Variants in PLAC8L1 observed in about 807,000 individuals in gnomAD.
The protein encoded by PLAC8L1 is PLAC8 like 1.
A neutral mutation model predicts 16.3 loss-of-function variants in PLAC8L1; 13 were observed. That is an observed-to-expected ratio of 0.80 (90% CI 0.52 to 1.27). The LOEUF (loss-of-function observed/expected upper bound fraction) is 1.27. Ranked by LOEUF, PLAC8L1 falls within the 50% of genes most tolerant of loss-of-function variation. The probability of loss-of-function intolerance (pLI) is 0.00; values close to 1 mark genes in which losing one functional copy is unlikely to be tolerated. For synonymous variants in PLAC8L1, 78 were observed against 79.3 expected (o/e 0.98, Z 0.09); for missense variants, 184 against 220.2 (o/e 0.84, Z 1.04).
At chr5:146,099,339 A>C (rs909419445) in intron 1 of PLAC8L1, 1 of 152,190 alleles carries the variant, frequency 6.6e-6, no homozygotes, top group Non-Finnish European at 1.5e-5. Context: ...AGTTGAGACA[A>C]AATAAGAGAC....
At position 146,092,700 on chromosome 5, in the gene PLAC8L1, C is replaced by T. The variant is rs182508876; in HGVS notation, c.256+5456G>A. ...GGGATTGCAGGAGCCCGCCACCACG[C>T]CTAATTTTTGTATTTTTAGTAGAGA... On this transcript the variant is annotated intron_variant, in intron 2 of 3. Transcript: ENST00000311450. Among the ~76,000 whole-genome samples the T allele has an allele frequency of 2.5e-3, 375 of 151,962 alleles. 3 individuals are homozygous for T. Among genetic ancestry groups the T allele is most frequent in the African/African-American group, 8.4e-3 (348 of 41,460 alleles).
intron 2 of PLAC8L1, among the ~76,000 whole-genome samples, chr5:146,092,135 G>A (rs1227302907): frequency 2.0e-5 from 3 of 152,138 alleles, no homozygotes; most frequent in East Asian, 3.8e-4. Context: ...GTGGAGCCCC[G>A]AGATTAGAAG....
At chr5:146,101,679 T>C (rs1435247516) in intron 1 of PLAC8L1, among the ~76,000 whole-genome samples, 3 of 152,234 alleles carry the variant, frequency 2.0e-5, no homozygotes, top group African/African-American at 7.2e-5. Context: ...TACAAATTTA[T>C]GTGAACTTTA....
At chr5:146,103,795 C>T (rs940198746) in intron 1 of PLAC8L1, 144 of 985,270 alleles carry the variant, frequency 1.5e-4, no homozygotes, top group Non-Finnish European at 1.6e-4. Context: ...GTCACTCTTC[C>T]GTAATCACAC....
At chr5:146,099,136 A>G (rs1763765570) in intron 1 of PLAC8L1, among the ~76,000 whole-genome samples, 1 of 152,116 alleles carries the variant, frequency 6.6e-6, no homozygotes, top group Non-Finnish European at 1.5e-5. Flanking sequence ...TGATTTCCAT[A>G]GTGAAGGGTA....
At chr5:146,101,067 C>T (rs944887063) in intron 1 of PLAC8L1, among the ~76,000 whole-genome samples, 3 of 151,882 alleles carry the variant, frequency 2.0e-5, no homozygotes, top group African/African-American at 7.3e-5. Flanking sequence ...CATGGTGGCA[C>T]GCACCTGTGG....
intron 1 of PLAC8L1, among the ~76,000 whole-genome samples, chr5:146,098,638 A>G (rs1763757902): frequency 6.6e-6 from 1 of 152,204 alleles, no homozygotes; most frequent in South Asian, 2.1e-4. Context: ...ACCTTGGTTA[A>G]ATGACTTTAC....
Position 146,105,116 on chromosome 5 carries a change from A to C in PLAC8L1, c.-805T>G, listed in dbSNP as rs915024266. ...CCCTAGAAATATTAGGAAATATCCT[A>C]AGACAAAAAATTAGGCAAAATTTCA... On this transcript the variant is annotated 5_prime_UTR_variant, in exon 1 of 4. The change abolishes the stop of an existing upstream ORF in the 5' untranslated region. Coordinates refer to ENST00000311450, the MANE Select transcript of PLAC8L1 (RefSeq NM_001029869.3). Among the ~76,000 whole-genome samples the C allele has an allele frequency of 5.9e-5, 9 of 152,198 alleles. No homozygotes were observed. Among genetic ancestry groups the C allele is most frequent in the Non-Finnish European group, 1.3e-4 (9 of 68,030 alleles).
chr5:146,096,229 C>T (rs889799626), intron 2 of PLAC8L1, among the ~76,000 whole-genome samples: 1 of 152,118 alleles, frequency 6.6e-6, no homozygotes, highest in Non-Finnish European at 1.5e-5. Context: ...CTTCACATGG[C>T]CTTCTCCTTT....
At position 146,100,321 on chromosome 5, in the gene PLAC8L1, C is replaced by G. The variant is rs111306041; in HGVS notation, c.120-2029G>C. Among the ~76,000 whole-genome samples, 24 of 152,198 alleles carry G rather than the reference C, an allele frequency of 1.6e-4. 1 individual carries two copies. Among genetic ancestry groups the G allele is most frequent in the African/African-American group, 5.8e-4 (24 of 41,532 alleles). ...GGGGTTAGGGTTGGAAGCGACCTGT[C>G]TGGAAGTATGAAGTGGAACTATGAA... On this transcript the variant is annotated intron_variant, in intron 1 of 3. Coordinates refer to ENST00000311450, the MANE Select transcript of PLAC8L1 (RefSeq NM_001029869.3).
chr5:146,093,271 A>T (rs576317547), intron 2 of PLAC8L1, among the ~76,000 whole-genome samples: 2 of 152,302 alleles, frequency 1.3e-5, no homozygotes, highest in South Asian at 4.1e-4. Flanking sequence ...GAAGAGAAAA[A>T]CCAGGTGGAT....
intron 2 of PLAC8L1, among the ~76,000 whole-genome samples, chr5:146,091,992 G>A (rs144697199): frequency 3.1e-4 from 47 of 151,992 alleles, no homozygotes; most frequent in African/African-American, 6.5e-4. Context: ...ATGTAAGCAC[G>A]CACAGTATAA....
chr5:146,099,237 C>G (rs1763767103), intron 1 of PLAC8L1, among the ~76,000 whole-genome samples: 1 of 152,092 alleles, frequency 6.6e-6, no homozygotes, highest in Non-Finnish European at 1.5e-5. Flanking sequence ...GGTAATTATT[C>G]TGTTTTGTGC....
chr5:146,101,872 T>C (rs1763823648), intron 1 of PLAC8L1, among the ~76,000 whole-genome samples: 1 of 152,230 alleles, frequency 6.6e-6, no homozygotes, highest in Non-Finnish European at 1.5e-5. Context: ...AGTAGAGGGA[T>C]TTCTTAGGGC....
Position 146,104,378 on chromosome 5 carries a change from C to A in PLAC8L1, c.-67G>T. ...CTTTGGCAATAAGCTGGTTTCTAAA[C>A]TTCGGATTAGTCCAAAGTGAAACAT... On this transcript the variant is annotated 5_prime_UTR_variant, in exon 1 of 4. Coordinates refer to ENST00000311450, the MANE Select transcript of PLAC8L1 (RefSeq NM_001029869.3). 7.9e-7 allele frequency: 1 copy of A among 1,263,464 alleles called. No homozygotes were observed. Among genetic ancestry groups the A allele is most frequent in the Non-Finnish European group, 1.2e-6 (1 of 864,676 alleles). The allele number at this position is 1,263,464 out of a possible 1,614,324, so 78.3% of individuals were successfully genotyped here. A position where few individuals can be genotyped will look rare whatever the true frequency, so the allele number is the denominator to read the frequency against.
At chr5:146,096,995 C>T (rs1454354944) in intron 2 of PLAC8L1, among the ~76,000 whole-genome samples, 1 of 152,174 alleles carries the variant, frequency 6.6e-6, no homozygotes, top group Non-Finnish European at 1.5e-5. Context: ...GGCATTAGGA[C>T]AAATTCAGAT....
chr5:146,086,620 T>C (rs1181377887), intron 2 of PLAC8L1, among the ~76,000 whole-genome samples: 1 of 152,198 alleles, frequency 6.6e-6, no homozygotes, highest in African/African-American at 2.4e-5. Context: ...GAGAGTACAA[T>C]GATAGCTATG....
chr5:146,101,196 CA>C lies in PLAC8L1; in HGVS notation c.120-2905del, dbSNP rs35143616. Among the ~76,000 whole-genome samples, 653 of 82,150 alleles carry C rather than the reference CA, an allele frequency of 7.9e-3. 3 individuals carry two copies. The highest frequency in any genetic ancestry group is 0.028 in the African/African-American group (513 of 18,580). 53.9% of individuals were successfully genotyped at this position (82,150 alleles called of 152,430 possible). A position where few individuals can be genotyped will look rare whatever the true frequency, so the allele number is the denominator to read the frequency against. ...TAGGCAACAGAGCAAGACCCTGTCT[CA>C]AAAAAAAAAAAAAAAAAAAAAAATA... On this transcript the variant is annotated intron_variant, in intron 1 of 3. Transcript: ENST00000311450.
At chr5:146,098,085 G>A (rs1265780027) in intron 2 of PLAC8L1, 71 bp downstream of exon 2, 1 of 1,504,008 alleles carries the variant, frequency 6.6e-7, no homozygotes, top group South Asian at 1.3e-5. Context: ...GCCTGCTGTA[G>A]GTTTTCCACT....
Sources: gnomAD v4.1 joint callset for allele counts (sites outside exome capture counted in the v4.1 genomes callset) on GRCh38, gnomAD v4.1.1 for gene constraint, MANE v1.5 for transcripts, NCBI Gene and HGNC (gene_info 2026-07-23, HGNC 2026-07-21) for gene names.